The following CCSER1 variants were observed in gnomAD, a reference collection of about 807,000 sequenced individuals.
CCSER1 encodes the protein serine-rich coiled-coil domain-containing protein 1.
In CCSER1, 41 loss-of-function variants were observed where a neutral mutation model predicts 82.0. That is an observed-to-expected ratio of 0.50 (90% confidence interval 0.39 to 0.65). The LOEUF (loss-of-function observed/expected upper bound fraction) is 0.65. CCSER1 is among the 30% of genes least tolerant of loss of function. The pLI is 0.00. For missense variants in CCSER1, 1,119 were observed against 1,064.2 expected, an observed-to-expected ratio of 1.05 and a Z score of -0.72; for synonymous variants, 414 against 383.9, an observed-to-expected ratio of 1.08 and a Z score of -0.92.
intron 5 of CCSER1, among the ~76,000 whole-genome samples, chr4:90,515,636 C>T (rs1004533409): frequency 2.0e-5 from 3 of 152,102 alleles, no homozygotes; most frequent in African/African-American, 7.2e-5. Context: ...TATTCTAGGC[C>T]TGTAAATCTA....
chr4:91,580,509 G>T (rs1763678499), intron 10 of CCSER1, among the ~76,000 whole-genome samples: 1 of 151,682 alleles, frequency 6.6e-6, no homozygotes, highest in East Asian at 1.9e-4. Context: ...TTAGAAAATT[G>T]ACCTGTAATA....
chr4:91,349,198 C>T (rs1430834067), intron 10 of CCSER1, among the ~76,000 whole-genome samples: 2 of 149,934 alleles, frequency 1.3e-5, no homozygotes, highest in East Asian at 1.9e-4. Flanking sequence ...TGAGACACGG[C>T]GCCCGGCCAA....
chr4:90,469,774 AGTT>A (rs1490449141), intron 5 of CCSER1, among the ~76,000 whole-genome samples: 4 of 152,144 alleles, frequency 2.6e-5, no homozygotes, highest in African/African-American at 4.8e-5. Context: ...TAATATTTAA[AGTT>A]GTTCATCAGA....
chr4:90,747,114 T>C (rs975074787), intron 7 of CCSER1, among the ~76,000 whole-genome samples: 2 of 151,280 alleles, frequency 1.3e-5, no homozygotes, highest in Admixed American at 6.6e-5. Flanking sequence ...AGACAGAAAA[T>C]AAAAAAAGAA....
chr4:90,926,170 C>T (rs1209500856), intron 9 of CCSER1, among the ~76,000 whole-genome samples: 1 of 151,742 alleles, frequency 6.6e-6, no homozygotes, highest in Non-Finnish European at 1.5e-5. Context: ...TTCTGTTTCA[C>T]CCTCAGGAAA....
At chr4:91,077,844 T>C (rs968166945) in intron 9 of CCSER1, among the ~76,000 whole-genome samples, 4 of 152,192 alleles carry the variant, frequency 2.6e-5, no homozygotes, top group African/African-American at 9.6e-5. Context: ...GCCTCACTAA[T>C]TGCTAGCACA....
intron 9 of CCSER1, among the ~76,000 whole-genome samples, chr4:90,963,710 AT>A (rs1461787790): frequency 6.6e-6 from 1 of 152,066 alleles, no homozygotes; most frequent in African/African-American, 2.4e-5. Context: ...TGATTTTAGA[AT>A]CCCAGCCTCC....
intron 9 of CCSER1, among the ~76,000 whole-genome samples, chr4:90,962,520 C>T (rs1362824334): frequency 6.6e-6 from 1 of 152,074 alleles, no homozygotes; most frequent in African/African-American, 2.4e-5. Flanking sequence ...ATTCTGAATA[C>T]TTATATGCCC....
intron 10 of CCSER1, among the ~76,000 whole-genome samples, chr4:91,337,295 C>T (rs1747388554): frequency 6.6e-6 from 1 of 151,994 alleles, no homozygotes; most frequent in Admixed American, 6.6e-5. Flanking sequence ...TTCTAATATA[C>T]CATATACATT....
intron 10 of CCSER1, among the ~76,000 whole-genome samples, chr4:91,101,613 G>C (rs942209054): frequency 7.3e-6 from 1 of 136,760 alleles, no homozygotes; most frequent in South Asian, 2.5e-4. Flanking sequence ...CCAGCCTGGG[G>C]ACAGAGCAAG....
chr4:90,349,574 C>T (rs1743049349), intron 3 of CCSER1, among the ~76,000 whole-genome samples: 1 of 151,924 alleles, frequency 6.6e-6, no homozygotes, highest in African/African-American at 2.4e-5. Context: ...ACTGTTTCTT[C>T]CTCTGTAATC....
intron 1 of CCSER1, among the ~76,000 whole-genome samples, chr4:90,158,961 C>T (rs1013522206): frequency 1.3e-5 from 2 of 152,136 alleles, no homozygotes; most frequent in Admixed American, 6.5e-5. Flanking sequence ...AATCACCCGT[C>T]TTCTGCTTCA....
chr4:91,531,132 G>C (rs1761009445), intron 10 of CCSER1, among the ~76,000 whole-genome samples: 1 of 152,076 alleles, frequency 6.6e-6, no homozygotes, highest in Non-Finnish European at 1.5e-5. Flanking sequence ...ATTAGACAAA[G>C]ACATTGGCAG....
chr4:90,713,814 A>G (rs939893721), intron 6 of CCSER1, among the ~76,000 whole-genome samples: 2 of 151,278 alleles, frequency 1.3e-5, no homozygotes, highest in East Asian at 3.9e-4. Flanking sequence ...ACATAATCCC[A>G]TATTTCTTGG....
intron 10 of CCSER1, among the ~76,000 whole-genome samples, chr4:91,093,916 A>T (rs987414574): frequency 6.6e-5 from 10 of 152,318 alleles, no homozygotes; most frequent in African/African-American, 2.4e-4. Flanking sequence ...CAGATCCTAG[A>T]AATTCCCTTA....
chr4:91,172,434 T>A (rs1217180219), intron 10 of CCSER1, among the ~76,000 whole-genome samples: 1 of 152,188 alleles, frequency 6.6e-6, no homozygotes, highest in Non-Finnish European at 1.5e-5. Flanking sequence ...CTGAAAGCTC[T>A]GGGAAATGTT....
At position 90,459,182 on chromosome 4, in the gene CCSER1, G is replaced by A. The variant is rs540578189; in HGVS notation, c.1604-9052G>A. 2.6e-5 allele frequency among the ~76,000 whole-genome samples: 4 copies of A among 152,184 alleles called. No homozygotes were observed. The South Asian group carries it at 6.2e-4, about 24-fold the overall frequency. ...CGATCTAGTTTTAAATACACTAAAA[G>A]CTTATGTCACATTGGGAAGGAGGGA... On this transcript the variant is annotated intron_variant, in intron 4 of 10. Coordinates refer to ENST00000509176, the MANE Select transcript of CCSER1 (RefSeq NM_001145065.2).
intron 8 of CCSER1, among the ~76,000 whole-genome samples, chr4:90,913,692 C>T (rs1378064160): frequency 6.6e-6 from 1 of 152,096 alleles, no homozygotes; most frequent in African/African-American, 2.4e-5. Flanking sequence ...AAGACACAGC[C>T]TGGCAAATTG....
At chr4:90,581,932 T>G (rs745927615) in intron 5 of CCSER1, among the ~76,000 whole-genome samples, 4 of 151,246 alleles carry the variant, frequency 2.6e-5, no homozygotes, top group Non-Finnish European at 5.9e-5. Flanking sequence ...ATGTGTAGAT[T>G]ACTTTGATAG....
Sources: gnomAD v4.1 joint callset for allele counts (sites outside exome capture counted in the v4.1 genomes callset) on GRCh38, gnomAD v4.1.1 for gene constraint, MANE v1.5 for transcripts, NCBI Gene and HGNC (gene_info 2026-07-23, HGNC 2026-07-21) for gene names.